LIMD1: variants seen among roughly 807,000 people sequenced by gnomAD.
The protein encoded by LIMD1 is LIM domain containing 1, also known as LIM domain-containing protein 1.
A neutral mutation model predicts 58.4 loss-of-function variants in LIMD1; 23 were observed. The observed-to-expected ratio is 0.39, with a 90% CI of 0.28 to 0.56. The LOEUF (loss-of-function observed/expected upper bound fraction) is 0.56. LIMD1 is among the 20% of genes least tolerant of loss of function. The pLI is 0.57. For missense variants in LIMD1, 838 were observed against 855.5 expected (o/e 0.98, Z 0.25); for synonymous variants, 334 against 345.5 (o/e 0.97, Z 0.37).
chr3:45,684,198 C>T lies in LIMD1; in HGVS notation c.*7139C>T, dbSNP rs2125673769. The T allele has an allele frequency of 6.6e-6, 1 of 152,346 alleles. No homozygotes were observed. Among genetic ancestry groups the T allele is most frequent in the South Asian group, 2.1e-4 (1 of 4,826 alleles). The allele number at this position is 152,346 out of a possible 1,614,324, so 9.4% of individuals were successfully genotyped here. On this transcript the variant is annotated 3_prime_UTR_variant, in exon 8 of 8. Transcript: ENST00000273317. ...GAATCTCTGGCTATGTGGATACGTCCAGGTGTGTAAGGCAGCCTCAGGGAC... is the reference window on the plus strand; with the variant it reads ...GAATCTCTGGCTATGTGGATACGTCTAGGTGTGTAAGGCAGCCTCAGGGAC...
At chr3:45,628,247 GA>G (rs1283027126) in intron 1 of LIMD1, among the ~76,000 whole-genome samples, 1 of 152,058 alleles carries the variant, frequency 6.6e-6, no homozygotes, top group Admixed American at 6.5e-5. Context: ...TAGTTTGTAG[GA>G]CTCTAGCAAA....
intron 1 of LIMD1, among the ~76,000 whole-genome samples, chr3:45,622,452 C>G (rs183420546): frequency 6.6e-6 from 1 of 152,274 alleles, no homozygotes; most frequent in East Asian, 1.9e-4. Context: ...AATTACATAT[C>G]AGGCATGGTA....
At chr3:45,631,203 A>AAAT (rs539498072) in intron 1 of LIMD1, among the ~76,000 whole-genome samples, 402 of 151,724 alleles carry the variant, frequency 2.6e-3, no homozygotes, top group African/African-American at 8.4e-3. Context: ...ACTCTGTCTC[A>AAAT]AATAATAATA....
rs1701329678 is a variant in LIMD1 at position 45,595,073 on chromosome 3, T to G, written c.194T>G (p.Leu65Arg). The change falls in exon 1 of 8, where the codon CTG becomes CGG. Residue 65 changes from leucine (L) to arginine (R), a missense_variant. Leu to Arg is a moderately radical substitution (Grantham distance 102). This residue lies in a region of LIMD1 where 659 missense variants were observed against 639.8 expected (regional missense o/e 1.03). Coordinates refer to ENST00000273317, the MANE Select transcript of LIMD1 (RefSeq NM_014240.3). ...CTCCAGCAGCAGCAGCAGCAGCTCC[T>G]GCAGGAGGAGACTCTGCCCAGGGGG... ...IHLQQQQQQL[L>R]QEETLPRGSR... 3.7e-6 allele frequency: 6 copies of G among 1,613,424 alleles called. No individual in the cohort carries two copies. The highest frequency in any genetic ancestry group is 5.1e-6 in the Non-Finnish European group (6 of 1,179,950).
chr3:45,671,733 T>TG (rs1222377042), intron 4 of LIMD1, among the ~76,000 whole-genome samples: 1 of 152,214 alleles, frequency 6.6e-6, no homozygotes, highest in Non-Finnish European at 1.5e-5. Context: ...AAATCTGGGA[T>TG]GGGGTCCAAG....
chr3:45,683,161 TTAA>T lies in LIMD1; in HGVS notation c.*6106_*6108del, dbSNP rs923993879. The T allele has an allele frequency of 6.6e-6, 1 of 152,252 alleles. No individual in the cohort carries two copies. Among genetic ancestry groups the T allele is most frequent in the Non-Finnish European group, 1.5e-5 (1 of 68,056 alleles). 9.4% of individuals were successfully genotyped at this position (152,252 alleles called of 1,614,324 possible). A position where few individuals can be genotyped will look rare whatever the true frequency, so the allele number is the denominator to read the frequency against. On this transcript the variant is annotated 3_prime_UTR_variant, in exon 8 of 8. Coordinates refer to ENST00000273317, the MANE Select transcript of LIMD1 (RefSeq NM_014240.3). Reference sequence around the variant, plus strand: ...AGAATAATCTCCCATTTTGTGATTCTTAATAACATCTGCAAAGCCTCTTTTACC... The same window carrying T: ...AGAATAATCTCCCATTTTGTGATTCTTAACATCTGCAAAGCCTCTTTTACC...
chr3:45,673,071 C>A (rs907491339), intron 5 of LIMD1, among the ~76,000 whole-genome samples: 1 of 151,866 alleles, frequency 6.6e-6, no homozygotes, highest in African/African-American at 2.4e-5. Context: ...AACTAATAAT[C>A]ATATTTGTAG....
At chr3:45,652,635 C>T (rs1701986742) in intron 2 of LIMD1, among the ~76,000 whole-genome samples, 1 of 152,232 alleles carries the variant, frequency 6.6e-6, no homozygotes, top group Non-Finnish European at 1.5e-5. Flanking sequence ...AAGCAGAGCT[C>T]AGTCTAGGGC....
At chr3:45,673,933 C>T (rs1403406970) in intron 6 of LIMD1, 4 of 258,016 alleles carry the variant, frequency 1.6e-5, no homozygotes, top group Admixed American at 4.9e-5. Context: ...TGAGATAAGT[C>T]GTGTCTTCAC....
intron 1 of LIMD1, among the ~76,000 whole-genome samples, chr3:45,631,041 T>C (rs1227817541): frequency 6.6e-6 from 1 of 151,976 alleles, no homozygotes; most frequent in Non-Finnish European, 1.5e-5. Context: ...CCGTCTCTAC[T>C]AAAAATATAA....
rs1219014900 is a variant in LIMD1, at chr3:45,683,811, C to G, written c.*6752C>G. The G allele has an allele frequency of 2.6e-5, 4 of 152,330 alleles. No individual in the cohort carries two copies. In the East Asian group the frequency reaches 5.8e-4, roughly 22 times the overall value. 9.4% of individuals were successfully genotyped at this position (152,330 alleles called of 1,614,324 possible). On this transcript the variant is annotated 3_prime_UTR_variant, in exon 8 of 8. Transcript: ENST00000273317. ...AATAAATCTCTTTTGTTGCTTCATT[C>G]TTTACTTGCTTTGTGCGTTTTGTCC...
At chr3:45,632,868 C>T (rs2125657517) in intron 1 of LIMD1, among the ~76,000 whole-genome samples, 1 of 152,210 alleles carries the variant, frequency 6.6e-6, no homozygotes, top group East Asian at 1.9e-4. Flanking sequence ...GCAGCCGCGA[C>T]ACCACTGCTT....
chr3:45,635,866 G>C (rs1701781902), intron 1 of LIMD1: 2 of 984,802 alleles, frequency 2.0e-6, no homozygotes, highest in Admixed American at 1.2e-4. Flanking sequence ...AAAGCTTTGG[G>C]TGGGGTGAGG....
At chr3:45,602,120 A>G (rs1701420166) in intron 1 of LIMD1, among the ~76,000 whole-genome samples, 1 of 151,596 alleles carries the variant, frequency 6.6e-6, no homozygotes, top group African/African-American at 2.4e-5. Context: ...TTTTTTATAT[A>G]TATGTTTTTA....
intron 1 of LIMD1, among the ~76,000 whole-genome samples, chr3:45,631,300 CA>C (rs144073052): frequency 1.2e-4 from 17 of 146,552 alleles, no homozygotes; most frequent in African/African-American, 3.0e-4. Flanking sequence ...GAGACTCTCT[CA>C]AAAAAAAAAC....
chr3:45,677,244 T>C lies in LIMD1; in HGVS notation c.*185T>C. ...GTGAACACTACCTGCCTCCTGCGTG[T>C]ATTTTCCAAGTGCTTTTCTCTGTTG... On this transcript the variant is annotated 3_prime_UTR_variant, in exon 8 of 8. Coordinates refer to ENST00000273317, the MANE Select transcript of LIMD1 (RefSeq NM_014240.3). 1.7e-6 allele frequency: 1 copy of C among 588,202 alleles called. No individual in the cohort carries two copies. Among genetic ancestry groups the C allele is most frequent in the East Asian group, 2.9e-5 (1 of 33,974 alleles). 36.4% of individuals were successfully genotyped at this position (588,202 alleles called of 1,614,324 possible). A position where few individuals can be genotyped will look rare whatever the true frequency, so the allele number is the denominator to read the frequency against.
intron 2 of LIMD1, among the ~76,000 whole-genome samples, chr3:45,646,713 A>G (rs920034471): frequency 2.4e-4 from 36 of 148,218 alleles, no homozygotes; most frequent in African/African-American, 8.5e-4. Flanking sequence ...TTTTTGAGAC[A>G]GTCTCACTCT....
rs35185922 is a variant in LIMD1 at position 45,653,907 on chromosome 3, C to CAAAA, written c.1511-11727_1511-11724dup. Among the ~76,000 whole-genome samples, 8 of 74,856 alleles carry CAAAA rather than the reference C, an allele frequency of 1.1e-4. 1 individual carries two copies. Among genetic ancestry groups the CAAAA allele is most frequent in the East Asian group, 8.1e-4 (2 of 2,456 alleles). The allele number at this position is 74,856 out of a possible 152,430, so 49.1% of individuals were successfully genotyped here. A position where few individuals can be genotyped will look rare whatever the true frequency, so the allele number is the denominator to read the frequency against. Reference sequence around the variant, plus strand: ...CCTGAGTGACGGAGCAAGACTGTCTCAAAAAAAAAAAAAAAAAAAGAAAAA... The same window carrying CAAAA: ...CCTGAGTGACGGAGCAAGACTGTCTCAAAAAAAAAAAAAAAAAAAAAAAGAAAAA... On this transcript the variant is annotated intron_variant, in intron 2 of 7. Transcript: ENST00000273317.
In LIMD1 at chr3:45,665,615, C is replaced by A. The variant is rs751542113; in HGVS notation, c.1511-35C>A. On this transcript the variant is annotated intron_variant, in intron 2 of 7. Transcript: ENST00000273317. ...TTTTCCACTGCATATTAAAATTTTTCTTTTTTTACCCTGTGTTTGTGATTT... is the reference window on the plus strand; with the variant it reads ...TTTTCCACTGCATATTAAAATTTTTATTTTTTTACCCTGTGTTTGTGATTT... The A allele has an allele frequency of 4.4e-6, 7 of 1,587,648 alleles. No individual in the cohort carries two copies. In the Admixed American group the frequency reaches 5.3e-5, roughly 12 times the overall value.
Sources: gnomAD v4.1 joint callset for allele counts (sites outside exome capture counted in the v4.1 genomes callset) on GRCh38, gnomAD v4.1.1 for gene constraint, gnomAD v4.1.1 regional missense constraint, MANE v1.5 for transcripts, NCBI Gene and HGNC (gene_info 2026-07-23, HGNC 2026-07-21) for gene names.